The following GLI1 variants were observed in gnomAD, a reference collection of about 807,000 sequenced individuals.
The protein encoded by GLI1 is GLI family zinc finger 1.
Under a neutral mutation model 87.8 loss-of-function variants are expected in GLI1, and 51 were observed. That is an observed-to-expected ratio of 0.58 (90% CI 0.46 to 0.73). The LOEUF is 0.73. Ranked by LOEUF, GLI1 falls within the 30% of genes least tolerant of loss-of-function variation. The probability of loss-of-function intolerance (pLI) is 0.00; values close to 1 mark genes in which losing one functional copy is unlikely to be tolerated. For missense variants in GLI1, 1,292 were observed against 1,437.2 expected (o/e 0.90, Z 1.63); for synonymous variants, 528 against 558.2 (o/e 0.95, Z 0.76).
rs773802622 is a variant in GLI1, at chr12:57,466,240, C to G, written c.763C>G (p.His255Asp). ...EFDSQEQLVH[H>D]INSEHIHGER... ...AGAGCCTTTGTATCTTCTCCCTCAG[C>G]ACATCAACAGCGAGCACATCCACGG... The change falls in exon 8 of 12, where the codon CAC (histidine) becomes GAC (aspartate). Residue 255 changes from histidine (H) to aspartate (D), a missense_variant and splice_region_variant. Around this residue, in one of 3 missense-constraint regions of GLI1, gnomAD observed 383 missense variants for 368.4 expected, o/e 1.04. Transcript: ENST00000228682. 1 of 1,612,052 alleles carries G rather than the reference C, an allele frequency of 6.2e-7. No homozygotes were observed. The highest frequency in any genetic ancestry group is 8.5e-7 in the Non-Finnish European group (1 of 1,178,760).
chr12:57,471,562 C>T lies in GLI1; in HGVS notation c.2822C>T (p.Ala941Val), dbSNP rs1871950156. The part of the protein sequence containing the change: ...LGGSQVSPSR[A>V]KAPVNTYGPG... ...GGTTCCCAGGTTAGCCCAAGCCGTG[C>T]TAAAGCTCCAGTGAACACATATGGA... Residue 941 changes from alanine (A) to valine (V), a missense_variant, in exon 12 of 12, where the codon GCT (alanine) becomes GTT (valine). Ala to Val is a moderately conservative substitution (Grantham distance 64, BLOSUM62 0). Around this residue, in one of 3 missense-constraint regions of GLI1, gnomAD observed 897 missense variants for 1,040.7 expected, o/e 0.86. Transcript: ENST00000228682. The surrounding 1 kb of genome is among the most constrained non-coding windows in gnomAD (Gnocchi z 4.9). 6.2e-7 allele frequency: 1 copy of T among 1,613,846 alleles called. No homozygotes were observed. The highest frequency in any genetic ancestry group is 8.5e-7 in the Non-Finnish European group (1 of 1,179,930).
At position 57,471,175 on chromosome 12, in the gene GLI1, T is replaced by C. The variant is rs1179799404; in HGVS notation, c.2435T>C (p.Val812Ala). 1 of 1,604,502 alleles carries C rather than the reference T, an allele frequency of 6.2e-7. No homozygotes were observed. The highest frequency in any genetic ancestry group is 8.5e-7 in the Non-Finnish European group (1 of 1,175,374). ...QCPRLEHYGQ[V>A]QVKPEQGCPV... ...CCTCGACTTGAACATTATGGACAAGTGCAAGTCAAGCCAGAACAGGGGTGC... is the reference window on the plus strand; with the variant it reads ...CCTCGACTTGAACATTATGGACAAGCGCAAGTCAAGCCAGAACAGGGGTGC... Residue 812 changes from valine to alanine, a missense_variant, in exon 12 of 12, where the codon GTG becomes GCG. Coordinates refer to ENST00000228682, the MANE Select transcript of GLI1 (RefSeq NM_005269.3). This position sits in a 1 kb window ranked among gnomAD's most constrained non-coding sequence, Gnocchi z 4.9.
chr12:57,468,829 A>G (rs954874274), intron 10 of GLI1, among the ~76,000 whole-genome samples: 16 of 151,844 alleles, frequency 1.1e-4, no homozygotes, highest in African/African-American at 3.6e-4. Flanking sequence ...ATCTCGGCTC[A>G]CTGCAACCTC....
chr12:57,468,533 C>T (rs1871652424), intron 10 of GLI1, among the ~76,000 whole-genome samples: 1 of 151,958 alleles, frequency 6.6e-6, no homozygotes, highest in Admixed American at 6.6e-5. Context: ...TGCTCTGTCG[C>T]CCAGGCTGGA....
chr12:57,469,797 T>C (rs1871747812), intron 11 of GLI1, 99 bp downstream of exon 11: 2 of 1,042,290 alleles, frequency 1.9e-6, no homozygotes, highest in African/African-American at 3.2e-5. Flanking sequence ...CACAGCACTT[T>C]TGTATAATTA....
intron 10 of GLI1, among the ~76,000 whole-genome samples, chr12:57,468,523 T>G (rs1361796669): frequency 6.6e-6 from 1 of 151,810 alleles, no homozygotes. Flanking sequence ...GACAGAGTCT[T>G]GCTCTGTCGC....
chr12:57,468,267 C>A, intron 10 of GLI1, 43 bp downstream of exon 10: 1 of 1,304,038 alleles, frequency 7.7e-7, no homozygotes, highest in Non-Finnish European at 1.1e-6. Context: ...CCCCAGCCCA[C>A]CCTGTGGACA....
At chr12:57,462,755 A>G (rs906252946) in intron 1 of GLI1, among the ~76,000 whole-genome samples, 2 of 151,776 alleles carry the variant, frequency 1.3e-5, no homozygotes, top group African/African-American at 4.8e-5. Flanking sequence ...CCTCCTCCAC[A>G]CTGTTTTCTG....
chr12:57,471,105 C>A lies in GLI1; in HGVS notation c.2365C>A (p.Leu789Met), dbSNP rs1871887603. 1 of 1,613,476 alleles carries A rather than the reference C, an allele frequency of 6.2e-7. No homozygotes were observed. Among genetic ancestry groups the A allele is most frequent in the African/African-American group, 1.3e-5 (1 of 74,918 alleles). The change falls in exon 12 of 12, where the codon CTG becomes ATG. Residue 789 changes from leucine (L) to methionine (M), a missense_variant. By Grantham distance (15) the Leu-to-Met change is conservative (BLOSUM62 2). This residue lies in a region of GLI1 where 897 missense variants were observed against 1,040.7 expected (regional missense o/e 0.86). Transcript: ENST00000228682. This position sits in a 1 kb window ranked among gnomAD's most constrained non-coding sequence, Gnocchi z 4.9. ...GGGTGAGTTCCCTTCCCACTCTGGG[C>A]TGTACCCAGGCCCCAAGGCTCTAGG... ...TWGEFPSHSGLYPGPKALGGT... is the reference protein window; with the variant it reads ...TWGEFPSHSGMYPGPKALGGT...
In GLI1 at chr12:57,470,683, G is replaced by A. The variant is rs367789336; in HGVS notation, c.1943G>A (p.Arg648His). ...AGTGACCCAGCCCAGGCTGCTGACC[G>A]TCCTGCTCCAGCTAGAGTCCAGAGG... is the stretch of plus-strand genomic sequence containing the variant. ...RASDPAQAAD[R>H]PAPARVQRFK... The change falls in exon 12 of 12, where the codon CGT becomes CAT. Residue 648 changes from arginine (R) to histidine (H), a missense_variant. By Grantham distance (29) the Arg-to-His change is conservative (BLOSUM62 0). Coordinates refer to ENST00000228682, the MANE Select transcript of GLI1 (RefSeq NM_005269.3). 27 of 1,612,664 alleles carry A rather than the reference G, an allele frequency of 1.7e-5. No individual in the cohort carries two copies. The highest frequency in any genetic ancestry group is 1.6e-4 in the Middle Eastern group (1 of 6,080).
In GLI1 at chr12:57,460,094, T is replaced by C. The variant is rs528091034; in HGVS notation, c.-135T>C. 1.3e-5 allele frequency: 2 copies of C among 149,846 alleles called. No individual in the cohort carries two copies. Among genetic ancestry groups the C allele is most frequent in the East Asian group, 4.0e-4 (2 of 5,036 alleles). 9.3% of individuals were successfully genotyped at this position (149,846 alleles called of 1,614,324 possible). On this transcript the variant is annotated 5_prime_UTR_variant, in exon 1 of 12. Coordinates refer to ENST00000228682, the MANE Select transcript of GLI1 (RefSeq NM_005269.3). ...CCAGGTTGGGGGGGTGGGGGTGGCA[T>C]CGAGGCTGCGCTGCCGTGGCCCTCT... is the stretch of plus-strand genomic sequence containing the variant.
In GLI1 at chr12:57,471,802, G is replaced by A. The variant is rs1257932005; in HGVS notation, c.3062G>A (p.Gly1021Glu). 1 of 1,562,524 alleles carries A rather than the reference G, an allele frequency of 6.4e-7. No individual in the cohort carries two copies. The highest frequency in any genetic ancestry group is 8.7e-7 in the Non-Finnish European group (1 of 1,153,840). Residue 1021 changes from glycine (G) to glutamate (E), a missense_variant, in exon 12 of 12, where the codon GGG (glycine) becomes GAG (glutamate). Physicochemically the swap from Gly to Glu is moderately conservative, Grantham distance 98 (BLOSUM62 -2). Around this residue, in one of 3 missense-constraint regions of GLI1, gnomAD observed 897 missense variants for 1,040.7 expected, o/e 0.86. Transcript: ENST00000228682. This position sits in a 1 kb window ranked among gnomAD's most constrained non-coding sequence, Gnocchi z 4.9. ...CGHPEVGRLG[G>E]GPALYPPPEG... Reference sequence around the variant, plus strand: ...CATCCTGAGGTGGGCAGGCTAGGAGGGGGTCCTGCCTTGTACCCTCCTCCC... The same window carrying A: ...CATCCTGAGGTGGGCAGGCTAGGAGAGGGTCCTGCCTTGTACCCTCCTCCC...
chr12:57,466,944 C>T (rs1032353740), intron 8 of GLI1, among the ~76,000 whole-genome samples: 1 of 152,076 alleles, frequency 6.6e-6, no homozygotes, highest in East Asian at 1.9e-4. Flanking sequence ...AAAACATGTT[C>T]GTGGGCCTCT....
chr12:57,460,497 G>A (rs1175827759), intron 1 of GLI1: 1 of 152,524 alleles, frequency 6.6e-6, no homozygotes, highest in Admixed American at 6.5e-5. Flanking sequence ...ATGCGGTTAA[G>A]TTTAAGAGGC....
chr12:57,469,724 G>A, intron 11 of GLI1, 26 bp downstream of exon 11: 1 of 1,608,816 alleles, frequency 6.2e-7, no homozygotes, highest in Non-Finnish European at 8.5e-7. Context: ...GGGAGGTGTG[G>A]CTGGGGTGAG....
Position 57,468,147 on chromosome 12 carries a change from A to G in GLI1, c.1231A>G (p.Thr411Ala), listed in dbSNP as rs772293856. The change falls in exon 10 of 12, where the codon ACA becomes GCA. Residue 411 changes from threonine to alanine, a missense_variant. This residue lies in a region of GLI1 where 897 missense variants were observed against 1,040.7 expected (regional missense o/e 0.86). Transcript: ENST00000228682. ...GPLPRAPSISTVEPKREREGG... is the reference protein window; with the variant it reads ...GPLPRAPSISAVEPKREREGG... ...CCTGCCTCGGGCACCATCCATTTCT[A>G]CAGTGGAGCCCAAGAGGGAGCGGGA... The G allele has an allele frequency of 1.9e-6, 3 of 1,614,202 alleles. No homozygotes were observed. The highest frequency in any genetic ancestry group is 2.5e-6 in the Non-Finnish European group (3 of 1,180,022).
intron 10 of GLI1, 36 bp downstream of exon 10, chr12:57,468,260 C>G (rs1221832235): frequency 7.2e-7 from 1 of 1,391,798 alleles, no homozygotes; most frequent in Admixed American, 1.7e-5. Context: ...CTCCATACCC[C>G]AGCCCACCCT....
chr12:57,470,936 T>C lies in GLI1; in HGVS notation c.2196T>C (p.Tyr732=). The C allele has an allele frequency of 1.9e-6, 3 of 1,614,002 alleles. No individual in the cohort carries two copies. The highest frequency in any genetic ancestry group is 2.5e-6 in the Non-Finnish European group (3 of 1,179,968). The change falls in exon 12 of 12, where the codon TAT becomes TAC. Residue 732 remains tyrosine (Y), a synonymous_variant. Coordinates refer to ENST00000228682, the MANE Select transcript of GLI1 (RefSeq NM_005269.3). The stretch of plus-strand genomic sequence containing the variant: ...TCCCACCTACTGATACTCTGGGATA[T>C]GGGGGACCTGAAGGGGCAGCAGCTG... ...MDFPPTDTLG[Y]GGPEGAAAEP... is the part of the protein sequence containing the mutation.
intron 11 of GLI1, 102 bp downstream of exon 11, chr12:57,469,800 TATA>T: frequency 6.9e-6 from 7 of 1,015,032 alleles, no homozygotes; most frequent in Non-Finnish European, 8.7e-6. Context: ...AGCACTTTTG[TATA>T]ATTAGAAAAT....
Sources: allele counts gnomAD v4.1 joint callset (sites outside exome capture counted in the v4.1 genomes callset), GRCh38; gene constraint gnomAD v4.1.1; regional missense constraint gnomAD v4.1.1; non-coding constraint Gnocchi (gnomAD v3.1); transcripts MANE v1.5; gene names NCBI Gene and HGNC (gene_info 2026-07-23, HGNC 2026-07-21).